The following MYLK variants were observed in gnomAD, a reference collection of about 807,000 sequenced individuals.
MYLK encodes the protein myosin light chain kinase, also known as myosin light chain kinase, smooth muscle.
In MYLK, 106 loss-of-function variants were observed where a neutral mutation model predicts 203.4. The ratio of observed to expected loss-of-function variants is 0.52; its 90% CI spans 0.45 to 0.61. The LOEUF (loss-of-function observed/expected upper bound fraction) is 0.61, where lower values mean the gene tolerates loss of function less well. MYLK is among the 20% of genes least tolerant of loss of function. The probability of loss-of-function intolerance (pLI) is 0.00; values close to 1 mark genes in which losing one functional copy is unlikely to be tolerated. For missense variants in MYLK, 2,072 were observed against 2,442.3 expected (o/e 0.85, Z 3.20); for synonymous variants, 867 against 959.5 (o/e 0.90, Z 1.78).
chr3:123,618,469 G>T, intron 33 of MYLK, 170 bp downstream of exon 33: 1 of 793,266 alleles, frequency 1.3e-6, no homozygotes, highest in East Asian at 2.6e-5. Flanking sequence ...GGGAGTGCAG[G>T]GCATAGCCCT....
intron 27 of MYLK, among the ~76,000 whole-genome samples, chr3:123,644,830 C>T (rs753869158): frequency 2.0e-5 from 3 of 152,134 alleles, no homozygotes; most frequent in Non-Finnish European, 4.4e-5. Context: ...TTGTAAGATA[C>T]GAATGGAAAT....
intron 19 of MYLK, among the ~76,000 whole-genome samples, chr3:123,686,132 G>A (rs2060446012): frequency 6.6e-6 from 1 of 152,172 alleles, no homozygotes; most frequent in African/African-American, 2.4e-5. Context: ...AGTAATATAA[G>A]TTTAAGAGCA....
At chr3:123,776,346 TGAA>T (rs1250511579) in intron 4 of MYLK, among the ~76,000 whole-genome samples, 1 of 152,174 alleles carries the variant, frequency 6.6e-6, no homozygotes, top group Non-Finnish European at 1.5e-5. Context: ...CAGTGCAAGC[TGAA>T]GAAGACAAGC....
intron 2 of MYLK, among the ~76,000 whole-genome samples, chr3:123,841,102 G>A (rs2066581851): frequency 6.6e-6 from 1 of 152,070 alleles, no homozygotes; most frequent in African/African-American, 2.4e-5. Context: ...GAATAAAAGA[G>A]GAGCTTCTTA....
At chr3:123,726,130 G>T (rs1389288870) in intron 11 of MYLK, 52 bp from the exon 12 acceptor site, 1 of 1,610,342 alleles carries the variant, frequency 6.2e-7, no homozygotes, top group Admixed American at 1.7e-5. Context: ...CCACTCTGGT[G>T]ATGCCTGCAG....
intron 19 of MYLK, 50 bp from the exon 20 acceptor site, chr3:123,682,360 G>A (rs2108457086): frequency 1.4e-6 from 2 of 1,397,028 alleles, no homozygotes; most frequent in East Asian, 4.8e-5. Flanking sequence ...GAGGAAATGA[G>A]CAAAGGGGGT....
intron 2 of MYLK, among the ~76,000 whole-genome samples, chr3:123,838,226 C>T (rs2066516997): frequency 6.6e-6 from 1 of 151,970 alleles, no homozygotes; most frequent in South Asian, 2.1e-4. Flanking sequence ...TGAAAAAGTG[C>T]AAACCCAGAA....
chr3:123,822,922 G>A (rs1327870061), intron 3 of MYLK, among the ~76,000 whole-genome samples: 4 of 152,260 alleles, frequency 2.6e-5, no homozygotes, highest in East Asian at 1.9e-4. Context: ...ACAGCTTTAA[G>A]TGGCTCTAAG....
At chr3:123,759,285 C>T (rs569237081) in intron 4 of MYLK, among the ~76,000 whole-genome samples, 4 of 152,240 alleles carry the variant, frequency 2.6e-5, no homozygotes, top group East Asian at 1.9e-4. Context: ...AACCTCTACA[C>T]AAAACTTTGG....
intron 4 of MYLK, among the ~76,000 whole-genome samples, chr3:123,784,772 G>A (rs1006888910): frequency 1.3e-5 from 2 of 152,188 alleles, no homozygotes; most frequent in African/African-American, 4.8e-5. Context: ...GTTTCCAAAT[G>A]CAGGTGGCTT....
intron 3 of MYLK, among the ~76,000 whole-genome samples, chr3:123,821,540 C>T (rs1412285110): frequency 6.6e-6 from 1 of 152,154 alleles, no homozygotes; most frequent in Non-Finnish European, 1.5e-5. Context: ...GATCTGCAGG[C>T]CTCCTACCAG....
At chr3:123,882,123 C>G (rs1292607411) in intron 1 of MYLK, among the ~76,000 whole-genome samples, 2 of 152,230 alleles carry the variant, frequency 1.3e-5, no homozygotes, top group Non-Finnish European at 2.9e-5. Flanking sequence ...AAACCTCACA[C>G]AAACAGCAAC....
At chr3:123,722,539 T>C (rs2062130681) in intron 12 of MYLK, among the ~76,000 whole-genome samples, 2 of 151,420 alleles carry the variant, frequency 1.3e-5, no homozygotes, top group South Asian at 2.1e-4. Context: ...CCTAGAGGGA[T>C]GGGGGAGGGA....
intron 4 of MYLK, among the ~76,000 whole-genome samples, chr3:123,764,611 G>T (rs955305421): frequency 6.6e-6 from 1 of 152,104 alleles, no homozygotes; most frequent in Non-Finnish European, 1.5e-5. Context: ...TGAGTACAAC[G>T]CTTTGCCCTG....
chr3:123,668,506 A>G (rs9875082), intron 20 of MYLK, among the ~76,000 whole-genome samples: 1,614 of 57,916 alleles, frequency 0.028, 28 homozygotes, highest in African/African-American at 0.091. Context: ...TGCCAGAGGT[A>G]GGGTGGGGGA....
intron 4 of MYLK, among the ~76,000 whole-genome samples, chr3:123,760,136 T>C (rs1185549367): frequency 6.6e-6 from 1 of 152,226 alleles, no homozygotes; most frequent in Non-Finnish European, 1.5e-5. Context: ...AAAGTGCAGA[T>C]GATATCAGAA....
intron 4 of MYLK, among the ~76,000 whole-genome samples, chr3:123,793,223 A>G (rs2064851886): frequency 6.6e-6 from 1 of 152,208 alleles, no homozygotes; most frequent in Admixed American, 6.5e-5. Flanking sequence ...GAGAGGTCCT[A>G]TCACTGCTCC....
intron 12 of MYLK, 69 bp from the exon 13 acceptor site, chr3:123,722,349 G>A: frequency 7.1e-7 from 1 of 1,418,136 alleles, no homozygotes; most frequent in South Asian, 1.2e-5. Context: ...CCTGTCCTCA[G>A]CAGGGCTGCT....
At chr3:123,764,679 G>A (rs150121732) in intron 4 of MYLK, among the ~76,000 whole-genome samples, 10 of 152,320 alleles carry the variant, frequency 6.6e-5, no homozygotes, top group African/African-American at 2.4e-4. Flanking sequence ...GCCTCTCCAC[G>A]GAGGAGCTTT....
Sources: gnomAD v4.1 joint callset for allele counts (sites outside exome capture counted in the v4.1 genomes callset) on GRCh38, gnomAD v4.1.1 for gene constraint, MANE v1.5 for transcripts, NCBI Gene and HGNC (gene_info 2026-07-23, HGNC 2026-07-21) for gene names.